ANKMY1: variants seen among roughly 807,000 people sequenced by gnomAD.
ANKMY1 encodes ankyrin repeat and MYND domain-containing protein 1.
Under a neutral mutation model 102.0 loss-of-function variants are expected in ANKMY1, and 98 were observed. That is an observed-to-expected ratio of 0.96 (90% CI 0.82 to 1.14). The LOEUF (loss-of-function observed/expected upper bound fraction) is 1.14, where lower values mean the gene tolerates loss of function less well. Ranked by LOEUF, ANKMY1 falls within the 50% of genes most tolerant of loss-of-function variation. The pLI is 0.00. For missense variants in ANKMY1, 1,330 were observed against 1,347.6 expected (o/e 0.99, Z 0.20); for synonymous variants, 582 against 559.9 (o/e 1.04, Z -0.56).
At chr2:240,480,827 A>G in intron 17 of ANKMY1, 110 bp downstream of exon 17, 1 of 1,421,822 alleles carries the variant, frequency 7.0e-7, no homozygotes, top group South Asian at 1.5e-5. Flanking sequence ...AGTGGCCTGA[A>G]TCTGGAGAGA....
intron 13 of ANKMY1, among the ~76,000 whole-genome samples, chr2:240,505,504 C>T (rs149393240): frequency 1.0e-3 from 154 of 151,900 alleles, no homozygotes; most frequent in African/African-American, 3.3e-3. Flanking sequence ...TACCATAGGA[C>T]CCAGCCATCC....
chr2:240,484,424 C>A (rs184687808), intron 15 of ANKMY1, among the ~76,000 whole-genome samples: 1 of 152,296 alleles, frequency 6.6e-6, no homozygotes, highest in African/African-American at 2.4e-5. Flanking sequence ...TGATCTTTGA[C>A]AAACCTGACA....
intron 2 of ANKMY1, 180 bp from the exon 3 acceptor site, chr2:240,555,235 G>A (rs1425358942): frequency 1.6e-6 from 1 of 644,520 alleles, no homozygotes; most frequent in Non-Finnish European, 2.7e-6. Context: ...TGCAGCGATT[G>A]CCCAAGGCCA....
intron 4 of ANKMY1, among the ~76,000 whole-genome samples, chr2:240,546,497 T>C (rs1243648478): frequency 1.3e-5 from 2 of 152,120 alleles, no homozygotes; most frequent in Non-Finnish European, 2.9e-5. Context: ...CAGGATCAGA[T>C]TCACACATAA....
intron 15 of ANKMY1, among the ~76,000 whole-genome samples, chr2:240,493,394 A>G (rs912942765): frequency 6.6e-6 from 1 of 152,068 alleles, no homozygotes; most frequent in South Asian, 2.1e-4. Flanking sequence ...AAGGTGTCAT[A>G]TTTCCTTGCT....
intron 4 of ANKMY1, among the ~76,000 whole-genome samples, chr2:240,541,205 C>T (rs767527264): frequency 9.2e-5 from 14 of 152,058 alleles, no homozygotes; most frequent in African/African-American, 1.9e-4. Flanking sequence ...ACAGTAGGAT[C>T]GGCTCTTCTT....
chr2:240,505,319 G>C (rs191085596), intron 13 of ANKMY1, among the ~76,000 whole-genome samples: 2 of 151,920 alleles, frequency 1.3e-5, no homozygotes, highest in Admixed American at 1.3e-4. Context: ...AAAATCAGCC[G>C]GGTGTGGTGG....
the ANKMY1 span, among the ~76,000 whole-genome samples, chr2:240,472,304 C>CGCGGGG: frequency 3.3e-4 from 50 of 151,112 alleles, no homozygotes; most frequent in South Asian, 8.4e-4. Flanking sequence ...TACAACTGCA[C>CGCGGGG]AGGCTGAAGG....
At position 240,520,327 on chromosome 2, in the gene ANKMY1, C is replaced by A. The variant is rs760971228; in HGVS notation, c.2004+35G>T. 2.0e-6 allele frequency: 3 copies of A among 1,508,504 alleles called. No homozygotes were observed. The highest frequency in any genetic ancestry group is 2.5e-5 in the East Asian group (1 of 40,408). The allele number at this position is 1,508,504 out of a possible 1,614,324, so 93.4% of individuals were successfully genotyped here. A position where few individuals can be genotyped will look rare whatever the true frequency, so the allele number is the denominator to read the frequency against. On this transcript the variant is annotated intron_variant, in intron 9 of 17. Transcript: ENST00000401804. This position sits in a 1 kb window ranked among gnomAD's most constrained non-coding sequence, Gnocchi z 4.8. ...CCGGCCAGTGCCCGGGAGTCTGCTGCGCTCGTCCCGGCGCCCGCCCGCCGC... is the reference window on the plus strand; with the variant it reads ...CCGGCCAGTGCCCGGGAGTCTGCTGAGCTCGTCCCGGCGCCCGCCCGCCGC...
the ANKMY1 span, among the ~76,000 whole-genome samples, chr2:240,469,657 A>T: frequency 8.3e-5 from 7 of 84,026 alleles, no homozygotes; most frequent in Non-Finnish European, 1.6e-4. Context: ...ACACATGCAC[A>T]TGTGCACTCC....
downstream of ANKMY1, among the ~76,000 whole-genome samples, chr2:240,478,207 G>T (rs1300012007): frequency 6.6e-6 from 1 of 152,204 alleles, no homozygotes; most frequent in East Asian, 1.9e-4. Context: ...TGTGCAGCCT[G>T]CAGAACCCTG....
intron 15 of ANKMY1, among the ~76,000 whole-genome samples, chr2:240,488,585 T>C (rs1364300956): frequency 1.3e-5 from 2 of 152,260 alleles, no homozygotes; most frequent in Non-Finnish European, 2.9e-5. Context: ...ACAATATTAA[T>C]TCTTCCAACC....
chr2:240,523,958 T>A lies in ANKMY1; in HGVS notation c.1759A>T (p.Met587Leu). 5 of 1,613,794 alleles carry A rather than the reference T, an allele frequency of 3.1e-6. No homozygotes were observed. Among genetic ancestry groups the A allele is most frequent in the Non-Finnish European group, 4.2e-6 (5 of 1,180,042 alleles). ...CTGGTGCACGGTGAGGGCGAGGCCATCTTCAGCAAGCTGTGGGACTGGGCG... is the reference window on the plus strand; with the variant it reads ...CTGGTGCACGGTGAGGGCGAGGCCAACTTCAGCAAGCTGTGGGACTGGGCG... Reference protein sequence around the residue: ...RSAQSHSLLKMASPSPCTSSF... With the variant: ...RSAQSHSLLKLASPSPCTSSF... Residue 587 changes from methionine to leucine, a missense_variant, in exon 8 of 18, where the codon ATG becomes TTG. Physicochemically the swap from Met to Leu is conservative, Grantham distance 15. Coordinates refer to ENST00000401804, the MANE Select transcript of ANKMY1 (RefSeq NM_001282771.3).
chr2:240,496,902 C>T (rs2077336928), intron 15 of ANKMY1, among the ~76,000 whole-genome samples: 1 of 152,178 alleles, frequency 6.6e-6, no homozygotes, highest in African/African-American at 2.4e-5. Context: ...AGGGCTCTTC[C>T]CAGCTATCTT....
chr2:240,552,802 C>G lies in ANKMY1; in HGVS notation c.480+112G>C, dbSNP rs527287041. ...ATTTTAATCATTAAAAGTAAAAAAGCTACTTGTAGCTAAACAAATAAACTT... is the reference window on the plus strand; with the variant it reads ...ATTTTAATCATTAAAAGTAAAAAAGGTACTTGTAGCTAAACAAATAAACTT... On this transcript the variant is annotated intron_variant, in intron 4 of 17. Transcript: ENST00000401804. 21 of 1,524,430 alleles carry G rather than the reference C, an allele frequency of 1.4e-5. No homozygotes were observed. In the South Asian group the frequency reaches 2.3e-4, roughly 17 times the overall value. The allele number at this position is 1,524,430 out of a possible 1,614,324, so 94.4% of individuals were successfully genotyped here. A position where few individuals can be genotyped will look rare whatever the true frequency, so the allele number is the denominator to read the frequency against.
chr2:240,523,535 G>A, intron 8 of ANKMY1: 2 of 328,970 alleles, frequency 6.1e-6, no homozygotes, highest in Admixed American at 4.4e-5. Context: ...TCACTCACGT[G>A]CACTATGGCT....
intron 2 of ANKMY1, among the ~76,000 whole-genome samples, chr2:240,556,207 G>A (rs2092330071): frequency 6.6e-6 from 1 of 151,972 alleles, no homozygotes; most frequent in Admixed American, 6.5e-5. Flanking sequence ...TGTGGGAAAA[G>A]GGCTTGTGGG....
At chr2:240,539,473 C>T (rs192546568) in intron 4 of ANKMY1, among the ~76,000 whole-genome samples, 19 of 152,302 alleles carry the variant, frequency 1.2e-4, no homozygotes, top group Non-Finnish European at 2.2e-4. Context: ...AACAAACTCC[C>T]GACACACCAT....
Position 240,481,030 on chromosome 2 carries a change from G to C in ANKMY1, c.2953C>G (p.Arg985Gly). 6.2e-7 allele frequency: 1 copy of C among 1,613,998 alleles called. No individual in the cohort carries two copies. Among genetic ancestry groups the C allele is most frequent in the Non-Finnish European group, 8.5e-7 (1 of 1,179,900 alleles). ...SIGVRLLPCP[R>G]CYGILTCSKY... ...CTGCAGGTCAGGATCCCGTAGCAGC[G>C]AGGGCAGGGCAAGAGGCGGACCCCG... Residue 985 changes from arginine (R) to glycine (G), a missense_variant, in exon 17 of 18, where the codon CGC becomes GGC. Physicochemically the swap from Arg to Gly is moderately radical, Grantham distance 125. Coordinates refer to ENST00000401804, the MANE Select transcript of ANKMY1 (RefSeq NM_001282771.3).
Sources: gnomAD v4.1 joint callset for allele counts (sites outside exome capture counted in the v4.1 genomes callset) on GRCh38, gnomAD v4.1.1 for gene constraint, Gnocchi (gnomAD v3.1) non-coding constraint, MANE v1.5 for transcripts, NCBI Gene and HGNC (gene_info 2026-07-23, HGNC 2026-07-21) for gene names.